The following NOTCH2 variants were observed in gnomAD, a reference collection of about 807,000 sequenced individuals.
The protein encoded by NOTCH2 is neurogenic locus notch homolog protein 2.
A neutral mutation model predicts 235.8 loss-of-function variants in NOTCH2; 29 were observed. That is an observed-to-expected ratio of 0.12 (90% CI 0.09 to 0.17). The LOEUF (loss-of-function observed/expected upper bound fraction) is 0.17, where lower values mean the gene tolerates loss of function less well. Ranked by LOEUF, NOTCH2 falls within the 10% of genes least tolerant of loss-of-function variation. NOTCH2 has a pLI of 1.00. For missense variants in NOTCH2, 2,285 were observed against 3,150.2 expected (o/e 0.73, Z 6.57); for synonymous variants, 1,086 against 1,141.5 (o/e 0.95, Z 0.98).
intron 1 of NOTCH2, among the ~76,000 whole-genome samples, chr1:120,060,433 G>C (rs1452090759): frequency 6.8e-6 from 1 of 147,394 alleles, no homozygotes; most frequent in African/African-American, 2.5e-5. Flanking sequence ...TATATATGTA[G>C]ATCTGTTCAT....
At chr1:120,009,133 G>C (rs587774928) in intron 2 of NOTCH2, among the ~76,000 whole-genome samples, 257 of 152,310 alleles carry the variant, frequency 1.7e-3, no homozygotes, top group African/African-American at 5.8e-3. Context: ...ATAACACAGA[G>C]AGCAGCCCTA....
chr1:119,915,149 T>C lies in NOTCH2; in HGVS notation c.*157A>G. On this transcript the variant is annotated 3_prime_UTR_variant, in exon 34 of 34. Coordinates refer to ENST00000256646, the MANE Select transcript of NOTCH2 (RefSeq NM_024408.4). The stretch of plus-strand genomic sequence containing the variant: ...CAGATACCCAGTGAAACTGACGAAT[T>C]GCTTCTCTTGCATTATCTGAATAAG... The C allele has an allele frequency of 1.3e-6, 1 of 758,438 alleles. No individual in the cohort carries two copies. The highest frequency in any genetic ancestry group is 2.2e-6 in the Non-Finnish European group (1 of 447,872). The allele number at this position is 758,438 out of a possible 1,614,324, so 47.0% of individuals were successfully genotyped here. A position where few individuals can be genotyped will look rare whatever the true frequency, so the allele number is the denominator to read the frequency against.
intron 29 of NOTCH2, among the ~76,000 whole-genome samples, chr1:119,920,687 T>C (rs895081655): frequency 2.0e-5 from 3 of 152,184 alleles, no homozygotes; most frequent in Admixed American, 2.0e-4. Flanking sequence ...TACCCTCCAC[T>C]AGAAAGTAAA....
Position 119,954,008 on chromosome 1 carries a change from T to C in NOTCH2, c.2220-320A>G, listed in dbSNP as rs190122094. 2.6e-5 allele frequency among the ~76,000 whole-genome samples: 4 copies of C among 152,332 alleles called. No homozygotes were observed. In the East Asian group the frequency reaches 7.7e-4, roughly 29 times the overall value. On this transcript the variant is annotated intron_variant, in intron 13 of 33. Transcript: ENST00000256646. The stretch of plus-strand genomic sequence containing the variant: ...ATGGATAAATCTGCACAATGTATGT[T>C]ATTATACATAAAACTAAAGTAAAGC...
chr1:119,983,679 A>C (rs1041968258), intron 5 of NOTCH2, among the ~76,000 whole-genome samples: 3 of 152,232 alleles, frequency 2.0e-5, no homozygotes, highest in Admixed American at 1.3e-4. Context: ...TAGCAAATGA[A>C]GGCTTCTGAG....
At position 119,915,555 on chromosome 1, in the gene NOTCH2, C is replaced by T. The variant is rs1379128384; in HGVS notation, c.7167G>A (p.Gln2389=). The stretch of plus-strand genomic sequence containing the variant: ...CAGCATTTGAGGAAGCATAACTGTG[C>T]TGTGAAGGGGGTGTGGGGTACTTGC... ...SVGKYPTPPS[Q]HSYASSNAAE... The change falls in exon 34 of 34, where the codon CAG becomes CAA. Residue 2389 remains glutamine (Q), a synonymous_variant. Transcript: ENST00000256646. 3 of 1,614,026 alleles carry T rather than the reference C, an allele frequency of 1.9e-6. No homozygotes were observed. Among genetic ancestry groups the T allele is most frequent in the Non-Finnish European group, 2.5e-6 (3 of 1,180,024 alleles).
rs1345397682 is a variant in NOTCH2, at chr1:119,999,941, AAGAAAGAAAG to A, written c.416-2619_416-2610del. Among the ~76,000 whole-genome samples, 13 of 112,912 alleles carry A rather than the reference AAGAAAGAAAG, an allele frequency of 1.2e-4. No individual in the cohort carries two copies. The East Asian group carries it at 2.7e-3, about 24-fold the overall frequency. 74.1% of individuals were successfully genotyped at this position (112,912 alleles called of 152,430 possible). On this transcript the variant is annotated intron_variant, in intron 3 of 33. Coordinates refer to ENST00000256646, the MANE Select transcript of NOTCH2 (RefSeq NM_024408.4). Reference sequence around the variant, plus strand: ...AGAGAAAGAAAGAAAGAAAGAAAGAAAGAAAGAAAGAAAGAAAGAAAGAAAGAAAGAAAGA... The same window carrying A: ...AGAGAAAGAAAGAAAGAAAGAAAGAAAAAGAAAGAAAGAAAGAAAGAAAGA...
rs782127162 is a variant in NOTCH2, at chr1:120,069,448, G to C, written c.-42C>G. On this transcript the variant is annotated 5_prime_UTR_variant, in exon 1 of 34. Coordinates refer to ENST00000256646, the MANE Select transcript of NOTCH2 (RefSeq NM_024408.4). Reference sequence around the variant, plus strand: ...TCCTCCGCCGCCGCCGCCGCCGCCTGGGCAGATCCACATGGGGAGGGGGTC... The same window carrying C: ...TCCTCCGCCGCCGCCGCCGCCGCCTCGGCAGATCCACATGGGGAGGGGGTC... 6.6e-7 allele frequency: 1 copy of C among 1,522,856 alleles called. No homozygotes were observed. Among genetic ancestry groups the C allele is most frequent in the Admixed American group, 2.1e-5 (1 of 47,820 alleles). The allele number at this position is 1,522,856 out of a possible 1,614,324, so 94.3% of individuals were successfully genotyped here.
chr1:119,989,123 T>C (rs1652131139), intron 4 of NOTCH2, among the ~76,000 whole-genome samples: 1 of 152,216 alleles, frequency 6.6e-6, no homozygotes, highest in Non-Finnish European at 1.5e-5. Flanking sequence ...CTGTCTAGGC[T>C]CAACTCTCAG....
At chr1:119,980,727 G>A (rs2101170156) in intron 5 of NOTCH2, among the ~76,000 whole-genome samples, 1 of 152,290 alleles carries the variant, frequency 6.6e-6, no homozygotes, top group African/African-American at 2.4e-5. Context: ...ATAAGTAAGA[G>A]CAGTTTCCTG....
Position 119,935,570 on chromosome 1 carries a change from T to C in NOTCH2, c.3557A>G (p.Tyr1186Cys). The change falls in exon 22 of 34, where the codon TAT becomes TGT. Residue 1186 changes from tyrosine (Y) to cysteine (C), a missense_variant. Tyr to Cys is a radical substitution (Grantham distance 194). Coordinates refer to ENST00000256646, the MANE Select transcript of NOTCH2 (RefSeq NM_024408.4). ...VPGYQGVNCE[Y>C]EVDECQNQPC... ...CTGATTCTGGCACTCATCCACTTCA[T>C]ACTCACAGTTGACACCCTGATAGCC... is the stretch of plus-strand genomic sequence containing the variant. 6.2e-7 allele frequency: 1 copy of C among 1,614,202 alleles called. No homozygotes were observed. Among genetic ancestry groups the C allele is most frequent in the Non-Finnish European group, 8.5e-7 (1 of 1,180,020 alleles).
chr1:119,985,387 C>A (rs782507789), intron 5 of NOTCH2, among the ~76,000 whole-genome samples: 97 of 152,060 alleles, frequency 6.4e-4, no homozygotes, highest in Admixed American at 7.2e-4. Flanking sequence ...AGACTTCTAG[C>A]GAAAAGAGGC....
At chr1:119,963,294 A>G (rs1651014067) in intron 11 of NOTCH2, among the ~76,000 whole-genome samples, 1 of 152,200 alleles carries the variant, frequency 6.6e-6, no homozygotes, top group South Asian at 2.1e-4. Context: ...TCAATTTTAA[A>G]TCATTAATTT....
Position 119,925,496 on chromosome 1 carries a change from A to G in NOTCH2, c.4320T>C (p.Asp1440=). ...CADKARDGVC[D]EACNSHACQW... ...GGCAGGCATGGCTGTTGCAGGCCTCATCACAGACGCCATCCCGAGCTTTGT... is the reference window on the plus strand; with the variant it reads ...GGCAGGCATGGCTGTTGCAGGCCTCGTCACAGACGCCATCCCGAGCTTTGT... Residue 1440 remains aspartate (D), a synonymous_variant, in exon 25 of 34, where the codon GAT becomes GAC. Transcript: ENST00000256646. 6.2e-7 allele frequency: 1 copy of G among 1,614,186 alleles called. No homozygotes were observed. The highest frequency in any genetic ancestry group is 8.5e-7 in the Non-Finnish European group (1 of 1,180,036).
intron 1 of NOTCH2, chr1:120,069,098 T>C: frequency 6.0e-6 from 9 of 1,504,288 alleles, no homozygotes; most frequent in Non-Finnish European, 8.0e-6. Flanking sequence ...CGAGGAGGCG[T>C]GTAAGGGGTC....
chr1:119,916,835 G>A (rs587744794), intron 33 of NOTCH2, 141 bp from the exon 34 acceptor site: 1 of 836,784 alleles, frequency 1.2e-6, no homozygotes, highest in East Asian at 2.6e-5. Context: ...CCACAGATAG[G>A]CTGTGCCTCT....
chr1:119,916,297 G>T lies in NOTCH2; in HGVS notation c.6425C>A (p.Ser2142Tyr). The T allele has an allele frequency of 6.2e-7, 1 of 1,614,198 alleles. No homozygotes were observed. Among genetic ancestry groups the T allele is most frequent in the Non-Finnish European group, 8.5e-7 (1 of 1,180,026 alleles). ...AGGGGATAAAGTTACTGAACTCTCAGACAGTTGGACCTTCTCACTCAGAGA... is the reference window on the plus strand; with the variant it reads ...AGGGGATAAAGTTACTGAACTCTCATACAGTTGGACCTTCTCACTCAGAGA... ...KKSLSEKVQL[S>Y]ESSVTLSPVD... is the part of the protein sequence containing the mutation. The change falls in exon 34 of 34, where the codon TCT (serine) becomes TAT (tyrosine). Residue 2142 changes from serine (S) to tyrosine (Y), a missense_variant. Transcript: ENST00000256646.
rs1473698315 is a variant in NOTCH2, at chr1:120,069,643, G to T, written c.-237C>A. ...CCGAAGTTTGGCTGAAACTTTCTCG[G>T]GTGTGCAACGAAGCAGCCTCGTGTG... is the stretch of plus-strand genomic sequence containing the variant. On this transcript the variant is annotated 5_prime_UTR_variant, in exon 1 of 34. Transcript: ENST00000256646. 1.5e-4 allele frequency: 208 copies of T among 1,387,974 alleles called. No homozygotes were observed. Among genetic ancestry groups the T allele is most frequent in the Non-Finnish European group, 1.9e-4 (199 of 1,075,048 alleles). 86.0% of individuals were successfully genotyped at this position (1,387,974 alleles called of 1,614,324 possible).
In NOTCH2 at chr1:120,069,407, C is replaced by G. The variant is rs1553217957; in HGVS notation, c.-1G>C. On this transcript the variant is annotated 5_prime_UTR_variant, in exon 1 of 34. Transcript: ENST00000256646. The stretch of plus-strand genomic sequence containing the variant: ...GCAGAGCGGGGCGCAGGGCGGGCAT[C>G]TTCTCGGTCGCCTCCTCCTCCGCCG... 1 of 1,544,396 alleles carries G rather than the reference C, an allele frequency of 6.5e-7. No homozygotes were observed. Among genetic ancestry groups the G allele is most frequent in the South Asian group, 1.2e-5 (1 of 85,004 alleles).
Sources: gnomAD v4.1 joint callset for allele counts (sites outside exome capture counted in the v4.1 genomes callset) on GRCh38, gnomAD v4.1.1 for gene constraint, MANE v1.5 for transcripts, NCBI Gene and HGNC (gene_info 2026-07-23, HGNC 2026-07-21) for gene names.